Variants in AKAP6 observed in about 807,000 individuals in gnomAD.
AKAP6 encodes the protein A-kinase anchoring protein 6.
In AKAP6, 58 loss-of-function variants were observed where a neutral mutation model predicts 188.5. That is an observed-to-expected ratio of 0.31 (90% CI 0.25 to 0.38). The LOEUF (loss-of-function observed/expected upper bound fraction) is 0.38, where lower values mean the gene tolerates loss of function less well. Ranked by LOEUF, AKAP6 falls within the 10% of genes least tolerant of loss-of-function variation. The probability of loss-of-function intolerance (pLI) is 1.00; values close to 1 mark genes in which losing one functional copy is unlikely to be tolerated. For missense variants in AKAP6, 2,710 were observed against 2,740.0 expected (o/e 0.99, Z 0.24); for synonymous variants, 989 against 998.6 (o/e 0.99, Z 0.18).
intron 8 of AKAP6, among the ~76,000 whole-genome samples, chr14:32,682,995 C>CTTTTTTTTTTTTTGTTTTTG (rs71115090): frequency 0.17 from 23,658 of 140,178 alleles, 1,723 homozygotes; most frequent in East Asian, 0.47. Flanking sequence ...TTTTTTCTTC[C>CTTTTTTTTTTTTTGTTTTTG]TTTTTTTTTT....
intron 1 of AKAP6, among the ~76,000 whole-genome samples, chr14:32,330,592 A>G (rs891534417): frequency 6.6e-6 from 1 of 151,968 alleles, no homozygotes; most frequent in Non-Finnish European, 1.5e-5. Flanking sequence ...GTTTTTACTC[A>G]AAAAGTCTTA....
At chr14:32,489,319 C>G (rs917719887) in intron 2 of AKAP6, among the ~76,000 whole-genome samples, 2 of 152,150 alleles carry the variant, frequency 1.3e-5, no homozygotes, top group Admixed American at 6.5e-5. Context: ...AGCGATCTTC[C>G]TGCCTCAGCC....
chr14:32,726,802 C>T (rs1397607253), intron 9 of AKAP6, among the ~76,000 whole-genome samples: 1 of 152,226 alleles, frequency 6.6e-6, no homozygotes, highest in East Asian at 1.9e-4. Context: ...ATGCAAATTT[C>T]TGTTCAGATA....
At chr14:32,825,307 G>A (rs368237280) in intron 13 of AKAP6, among the ~76,000 whole-genome samples, 2 of 152,010 alleles carry the variant, frequency 1.3e-5, no homozygotes, top group African/African-American at 2.4e-5. Flanking sequence ...TGTAACTATC[G>A]TCACATTTGC....
intron 2 of AKAP6, among the ~76,000 whole-genome samples, chr14:32,491,909 T>A (rs958636538): frequency 6.6e-6 from 1 of 152,158 alleles, no homozygotes; most frequent in Non-Finnish European, 1.5e-5. Context: ...ATCATTTTAA[T>A]TGACGTTCTC....
At chr14:32,375,232 T>C (rs1338577812) in intron 1 of AKAP6, among the ~76,000 whole-genome samples, 3 of 152,180 alleles carry the variant, frequency 2.0e-5, no homozygotes, top group African/African-American at 7.2e-5. Flanking sequence ...CAAGGTTTTC[T>C]AGCTTTGACG....
At chr14:32,766,168 C>T (rs2032713123) in intron 11 of AKAP6, among the ~76,000 whole-genome samples, 1 of 152,060 alleles carries the variant, frequency 6.6e-6, no homozygotes, top group African/African-American at 2.4e-5. Context: ...CAAGGTTCAT[C>T]CATGTTATGA....
intron 12 of AKAP6, among the ~76,000 whole-genome samples, chr14:32,811,479 A>G (rs1352120568): frequency 2.0e-5 from 3 of 152,130 alleles, no homozygotes; most frequent in African/African-American, 7.2e-5. Flanking sequence ...TGAAGACACA[A>G]GAGGCTCTCA....
chr14:32,776,611 A>T (rs927030019), intron 12 of AKAP6, among the ~76,000 whole-genome samples: 2 of 152,250 alleles, frequency 1.3e-5, no homozygotes, highest in African/African-American at 4.8e-5. Flanking sequence ...GTATTTGCTG[A>T]ATGAATGAGT....
rs1195018578 is a variant in AKAP6, at chr14:32,388,618, C to T, written c.-34-44842C>T. ...GATTTCATTTTTGATCCAATGATCA[C>T]TCAGGAGCAGGTTACTTAACTTCCA... On this transcript the variant is annotated intron_variant, in intron 1 of 13. Coordinates refer to ENST00000280979, the MANE Select transcript of AKAP6 (RefSeq NM_004274.5). Among the ~76,000 whole-genome samples the T allele has an allele frequency of 6.6e-5, 10 of 152,116 alleles. 1 individual carries two copies. In the South Asian group the frequency reaches 1.7e-3, roughly 25 times the overall value.
intron 2 of AKAP6, among the ~76,000 whole-genome samples, chr14:32,501,497 T>C (rs536467063): frequency 1.3e-5 from 2 of 152,134 alleles, no homozygotes; most frequent in Non-Finnish European, 2.9e-5. Context: ...CACGTTCCAT[T>C]GGCCAGTATT....
chr14:32,352,518 C>T (rs914414082), intron 1 of AKAP6, among the ~76,000 whole-genome samples: 2 of 152,048 alleles, frequency 1.3e-5, no homozygotes, highest in Non-Finnish European at 1.5e-5. Context: ...TTTTATGTAA[C>T]TGTGATTTTA....
chr14:32,623,680 A>G (rs558850726), intron 7 of AKAP6, among the ~76,000 whole-genome samples: 1 of 152,188 alleles, frequency 6.6e-6, no homozygotes, highest in East Asian at 1.9e-4. Context: ...CATAATTTGC[A>G]GTTAGAGAAG....
intron 1 of AKAP6, among the ~76,000 whole-genome samples, chr14:32,406,579 G>C (rs1365990284): frequency 6.6e-6 from 1 of 152,176 alleles, no homozygotes; most frequent in Non-Finnish European, 1.5e-5. Flanking sequence ...TAAAATTGCA[G>C]TAATTCTTAG....
intron 2 of AKAP6, among the ~76,000 whole-genome samples, chr14:32,449,299 G>A (rs1890855151): frequency 6.6e-6 from 1 of 152,140 alleles, no homozygotes; most frequent in Non-Finnish European, 1.5e-5. Context: ...CTTGAGATCA[G>A]GAGTTTGAGA....
At chr14:32,674,490 G>A (rs1213936860) in intron 7 of AKAP6, among the ~76,000 whole-genome samples, 1 of 152,160 alleles carries the variant, frequency 6.6e-6, no homozygotes, top group African/African-American at 2.4e-5. Context: ...CATTTTAGAA[G>A]AGGAGTCAAC....
At chr14:32,630,521 A>G (rs559566988) in intron 7 of AKAP6, among the ~76,000 whole-genome samples, 2 of 152,164 alleles carry the variant, frequency 1.3e-5, no homozygotes, top group African/African-American at 4.8e-5. Flanking sequence ...AGTTCAGGGG[A>G]AAAAAGGAGA....
chr14:32,791,426 G>T (rs2033605991), intron 12 of AKAP6, among the ~76,000 whole-genome samples: 1 of 152,116 alleles, frequency 6.6e-6, no homozygotes, highest in Non-Finnish European at 1.5e-5. Flanking sequence ...CTTTTGAGAA[G>T]TGTCTGTTCA....
rs1331038282 is a variant in AKAP6, at chr14:32,670,726, CT to C, written c.2731-7583del. ...TCATGAATTAAAGAAGCTTTTTTTTCTTCTTTTTTTTTTCCCTGGGAAGAAT... is the reference window on the plus strand; with the variant it reads ...TCATGAATTAAAGAAGCTTTTTTTTCTCTTTTTTTTTTCCCTGGGAAGAAT... On this transcript the variant is annotated intron_variant, in intron 7 of 13. Transcript: ENST00000280979. 2.0e-5 allele frequency among the ~76,000 whole-genome samples: 3 copies of C among 151,082 alleles called. No homozygotes were observed. In the East Asian group the frequency reaches 5.8e-4, roughly 29 times the overall value.
Sources: allele counts gnomAD v4.1 joint callset (sites outside exome capture counted in the v4.1 genomes callset), GRCh38; gene constraint gnomAD v4.1.1; transcripts MANE v1.5; gene names NCBI Gene and HGNC (gene_info 2026-07-23, HGNC 2026-07-21).